The following MAPK4 variants were observed in gnomAD, a reference collection of about 807,000 sequenced individuals.
MAPK4 encodes the protein mitogen-activated protein kinase 4, also known as Erk3-related.
A neutral mutation model predicts 47.7 loss-of-function variants in MAPK4; 22 were observed. The observed-to-expected ratio is 0.46, with a 90% CI of 0.33 to 0.66. MAPK4 has a LOEUF of 0.66. MAPK4 is among the 30% of genes least tolerant of loss of function. The pLI is 0.02. For missense variants in MAPK4, 736 were observed against 831.7 expected (o/e 0.88, Z 1.42); for synonymous variants, 390 against 365.7 (o/e 1.07, Z -0.76).
At chr18:50,574,654 T>A (rs143516131) in intron 1 of MAPK4, among the ~76,000 whole-genome samples, 45 of 152,286 alleles carry the variant, frequency 3.0e-4, no homozygotes, top group Non-Finnish European at 5.7e-4. Flanking sequence ...ACTACAAATG[T>A]GAAGAGAGTT....
At chr18:50,727,470 G>A (rs1422440242) in intron 5 of MAPK4, among the ~76,000 whole-genome samples, 1 of 152,204 alleles carries the variant, frequency 6.6e-6, no homozygotes, top group African/African-American at 2.4e-5. Flanking sequence ...GTTGTCAATT[G>A]TTGTTTTCAA....
At position 50,694,704 on chromosome 18, in the gene MAPK4, C is replaced by G. The variant is rs374115922; in HGVS notation, c.547-20375C>G. Among the ~76,000 whole-genome samples the G allele has an allele frequency of 9.2e-5, 14 of 152,302 alleles. No homozygotes were observed. The South Asian group carries it at 2.7e-3, about 29-fold the overall frequency. On this transcript the variant is annotated intron_variant, in intron 2 of 5. Transcript: ENST00000400384. ...TTTGGTGACCCCATAGAGGTGGTCA[C>G]TTATTCATCCAGGAAGATTGGGACC...
intron 2 of MAPK4, among the ~76,000 whole-genome samples, chr18:50,686,565 G>C (rs895707442): frequency 2.0e-5 from 3 of 152,234 alleles, no homozygotes; most frequent in Non-Finnish European, 2.9e-5. Context: ...CCTGCTGGAT[G>C]GCTAAGGGAT....
intron 2 of MAPK4, among the ~76,000 whole-genome samples, chr18:50,708,919 G>T (rs1268478553): frequency 6.6e-6 from 1 of 152,188 alleles, no homozygotes; most frequent in Non-Finnish European, 1.5e-5. Context: ...TTGCTGTGAG[G>T]ATGAAATGAG....
chr18:50,728,526 T>G (rs1371747888), intron 5 of MAPK4, among the ~76,000 whole-genome samples: 1 of 152,156 alleles, frequency 6.6e-6, no homozygotes, highest in Non-Finnish European at 1.5e-5. Flanking sequence ...ACATGCTTAA[T>G]CAGGTCCCCA....
chr18:50,578,393 A>G (rs530935652), intron 1 of MAPK4, among the ~76,000 whole-genome samples: 47 of 152,306 alleles, frequency 3.1e-4, no homozygotes, highest in African/African-American at 1.1e-3. Flanking sequence ...AGAGTTTCCA[A>G]TTCAGTAGGT....
chr18:50,719,628 A>G (rs6508030), intron 3 of MAPK4, among the ~76,000 whole-genome samples: 150,154 of 152,264 alleles, frequency 0.99, 74,067 homozygotes, highest in East Asian at 1. Context: ...GGCTGCCTCC[A>G]TTCTCCCAGC....
In MAPK4 at chr18:50,682,094, T is replaced by C. The variant is rs543228324; in HGVS notation, c.546+17590T>C. On this transcript the variant is annotated intron_variant, in intron 2 of 5. Coordinates refer to ENST00000400384, the MANE Select transcript of MAPK4 (RefSeq NM_002747.4). ...ATGGGAGAAAATGGGGCATGACTGC[T>C]AATGAGTATGGAGTTTTTTGTTAGG... is the stretch of plus-strand genomic sequence containing the variant. 1.6e-4 allele frequency among the ~76,000 whole-genome samples: 25 copies of C among 152,322 alleles called. No individual in the cohort carries two copies. In the Middle Eastern group the frequency reaches 0.014, roughly 83 times the overall value.
intron 2 of MAPK4, among the ~76,000 whole-genome samples, chr18:50,670,566 G>A (rs1376101431): frequency 6.6e-6 from 1 of 152,076 alleles, no homozygotes; most frequent in Admixed American, 6.6e-5. Flanking sequence ...AGACCAGCCT[G>A]GCCAACATGG....
chr18:50,591,858 A>G (rs1376615504), intron 1 of MAPK4, among the ~76,000 whole-genome samples: 1 of 152,062 alleles, frequency 6.6e-6, no homozygotes, highest in Middle Eastern at 3.2e-3. Flanking sequence ...CTTCTCTACC[A>G]TGCTATGAAA....
intron 1 of MAPK4, among the ~76,000 whole-genome samples, chr18:50,613,348 C>G (rs780916605): frequency 6.6e-6 from 1 of 152,202 alleles, no homozygotes; most frequent in Non-Finnish European, 1.5e-5. Context: ...CCTCTAAGAC[C>G]TGAGTAGCCT....
intron 1 of MAPK4, among the ~76,000 whole-genome samples, chr18:50,578,391 C>T (rs1347355373): frequency 2.6e-5 from 4 of 152,140 alleles, no homozygotes; most frequent in African/African-American, 9.7e-5. Context: ...TCAGAGTTTC[C>T]AATTCAGTAG....
At chr18:50,707,569 CAAAAAAAA>C (rs11419022) in intron 2 of MAPK4, among the ~76,000 whole-genome samples, 2 of 72,504 alleles carry the variant, frequency 2.8e-5, no homozygotes, top group Non-Finnish European at 5.0e-5. Flanking sequence ...GCCTCTGTCT[CAAAAAAAA>C]AAAAAAAAAA....
At chr18:50,631,477 C>T (rs1388266963) in intron 1 of MAPK4, among the ~76,000 whole-genome samples, 2 of 152,194 alleles carry the variant, frequency 1.3e-5, no homozygotes, top group African/African-American at 4.8e-5. Flanking sequence ...CTGGCAGGAA[C>T]ATGACCATAT....
intron 1 of MAPK4, among the ~76,000 whole-genome samples, chr18:50,619,149 G>A (rs1312119784): frequency 6.6e-6 from 1 of 152,180 alleles, no homozygotes; most frequent in Admixed American, 6.5e-5. Context: ...GCCAACCAGA[G>A]ATTCCAGGCT....
chr18:50,659,370 G>T (rs2043144736), intron 1 of MAPK4, among the ~76,000 whole-genome samples: 1 of 152,232 alleles, frequency 6.6e-6, no homozygotes. Flanking sequence ...GAAGAAAGCA[G>T]TGTCTGTGAA....
intron 1 of MAPK4, among the ~76,000 whole-genome samples, chr18:50,599,044 G>A (rs1456062720): frequency 6.6e-6 from 1 of 152,110 alleles, no homozygotes; most frequent in Non-Finnish European, 1.5e-5. Context: ...TCCATACTCT[G>A]TTCTTTGGAA....
intron 2 of MAPK4, among the ~76,000 whole-genome samples, chr18:50,671,553 A>T (rs1907948972): frequency 6.6e-6 from 1 of 152,178 alleles, no homozygotes; most frequent in Admixed American, 6.5e-5. Flanking sequence ...GCCAGCTTCC[A>T]GTGGCTTTGC....
chr18:50,637,459 C>G (rs1256007445), intron 1 of MAPK4, among the ~76,000 whole-genome samples: 1 of 152,158 alleles, frequency 6.6e-6, no homozygotes, highest in Non-Finnish European at 1.5e-5. Flanking sequence ...TGACTCAAAA[C>G]CCCTCACTCT....
Sources: allele counts gnomAD v4.1 joint callset (sites outside exome capture counted in the v4.1 genomes callset), GRCh38; gene constraint gnomAD v4.1.1; transcripts MANE v1.5; gene names NCBI Gene and HGNC (gene_info 2026-07-23, HGNC 2026-07-21).